The following NUP42 variants were observed in gnomAD, a reference collection of about 807,000 sequenced individuals.
NUP42 encodes the protein nucleoporin NUP42.
Under a neutral mutation model 35.9 loss-of-function variants are expected in NUP42, and 47 were observed. That is an observed-to-expected ratio of 1.31 (90% CI 1.04 to 1.67). NUP42 has a LOEUF of 1.67. Among genes scored for constraint, NUP42 ranks in the 40% most tolerant of loss-of-function variants. NUP42 has a pLI of 0.00. For synonymous variants in NUP42, 173 were observed against 173.3 expected, an observed-to-expected ratio of 1.00 and a Z score of 0.01; for missense variants, 514 against 492.2, an observed-to-expected ratio of 1.04 and a Z score of -0.42.
chr7:23,187,397 C>T (rs977127507), intron 3 of NUP42: 5 of 281,092 alleles, frequency 1.8e-5, no homozygotes, highest in Non-Finnish European at 3.3e-5. Flanking sequence ...ACTCTACGTT[C>T]TTGATTCCCT....
chr7:23,189,790 G>A (rs569428196), intron 3 of NUP42, among the ~76,000 whole-genome samples: 17 of 151,656 alleles, frequency 1.1e-4, no homozygotes, highest in Middle Eastern at 3.4e-3. Context: ...GTATGCGCCC[G>A]TAGTCCTAGC....
rs188731393 is a variant in NUP42, at chr7:23,186,593, G to A, written c.351-459G>A. Among the ~76,000 whole-genome samples, 217 of 152,258 alleles carry A rather than the reference G, an allele frequency of 1.4e-3. 1 individual carries two copies. The highest frequency in any genetic ancestry group is 5.0e-3 in the African/African-American group (209 of 41,566). ...TTAAAATATTATGATTCTGTATCAC[G>A]TAAGTGGTACTTTGTTCTTCCCAGT... On this transcript the variant is annotated intron_variant, in intron 2 of 6. Transcript: ENST00000258742.
At chr7:23,196,296 C>CA (rs1156271093) in intron 4 of NUP42, 8 of 200,732 alleles carry the variant, frequency 4.0e-5, no homozygotes, top group South Asian at 1.2e-4. Flanking sequence ...TATCAAATAT[C>CA]AAAAAAAATT....
intron 3 of NUP42, among the ~76,000 whole-genome samples, chr7:23,191,443 G>T (rs569936285): frequency 6.6e-5 from 10 of 152,162 alleles, no homozygotes; most frequent in Non-Finnish European, 1.3e-4. Context: ...GCTTGAACTG[G>T]CAGGATGCTG....
intron 3 of NUP42, among the ~76,000 whole-genome samples, chr7:23,193,052 G>A (rs1174765062): frequency 2.0e-5 from 3 of 152,070 alleles, no homozygotes; most frequent in Non-Finnish European, 4.4e-5. Flanking sequence ...GACCTTCGCG[G>A]TGAGTGTTAC....
At chr7:23,185,972 TCAA>T (rs746368578) in intron 2 of NUP42, among the ~76,000 whole-genome samples, 7,015 of 152,270 alleles carry the variant, frequency 0.046, 234 homozygotes, top group Non-Finnish European at 0.07. Context: ...ACTCTTGACC[TCAA>T]GTGATCTGCC....
In NUP42 at chr7:23,200,813, A is replaced by G; in HGVS notation, c.*68A>G. 4 of 911,830 alleles carry G rather than the reference A, an allele frequency of 4.4e-6. No homozygotes were observed. The highest frequency in any genetic ancestry group is 6.5e-6 in the Non-Finnish European group (4 of 612,102). 56.5% of individuals were successfully genotyped at this position (911,830 alleles called of 1,614,324 possible). A position where few individuals can be genotyped will look rare whatever the true frequency, so the allele number is the denominator to read the frequency against. ...CTTTGAGTGATTCATACAGAGATGT[A>G]TATATGCATACATGTATATATTCAT... is the stretch of plus-strand genomic sequence containing the variant. On this transcript the variant is annotated 3_prime_UTR_variant, in exon 7 of 7. Transcript: ENST00000258742.
chr7:23,185,553 A>G (rs1785562553), intron 2 of NUP42, among the ~76,000 whole-genome samples: 1 of 152,170 alleles, frequency 6.6e-6, no homozygotes, highest in African/African-American at 2.4e-5. Flanking sequence ...TCATCTTTCT[A>G]TAATAGTAGA....
chr7:23,193,996 G>T (rs1018654538), intron 3 of NUP42, among the ~76,000 whole-genome samples: 5 of 152,234 alleles, frequency 3.3e-5, no homozygotes. Flanking sequence ...CTCATTGCCC[G>T]GCAGGGCCAG....
intron 5 of NUP42, chr7:23,197,198 A>G: frequency 7.7e-7 from 1 of 1,301,448 alleles, no homozygotes; most frequent in Non-Finnish European, 1.0e-6. Flanking sequence ...ATATATACCC[A>G]CCTGTCTCCA....
chr7:23,187,945 T>TGGGG, intron 3 of NUP42: 3 of 489,780 alleles, frequency 6.1e-6, no homozygotes, highest in Non-Finnish European at 7.1e-6. Flanking sequence ...TGTCTCTCTC[T>TGGGG]CTCTCTCTGG....
Position 23,183,949 on chromosome 7 carries a change from G to A in NUP42, c.122-1121G>A, listed in dbSNP as rs143466884. Among the ~76,000 whole-genome samples, 9 of 147,416 alleles carry A rather than the reference G, an allele frequency of 6.1e-5. No individual in the cohort carries two copies. The East Asian group carries it at 1.6e-3, about 26-fold the overall frequency. On this transcript the variant is annotated intron_variant, in intron 1 of 6. Transcript: ENST00000258742. ...AGGATGAACTTTCACAACTGGGCAT[G>A]TGTGTCATTCTAACTTTTAATATAA...
At chr7:23,194,636 C>A in intron 3 of NUP42, 1 of 162,886 alleles carries the variant, frequency 6.1e-6, no homozygotes, top group Non-Finnish European at 1.4e-5. Flanking sequence ...GCTGGGACTA[C>A]AGGCGTGAGC....
intron 1 of NUP42, chr7:23,182,486 G>C: frequency 8.3e-7 from 1 of 1,211,376 alleles, no homozygotes; most frequent in Non-Finnish European, 1.0e-6. Flanking sequence ...AAACTACCTT[G>C]TAGGTAAATG....
At chr7:23,193,885 G>A (rs920044798) in intron 3 of NUP42, among the ~76,000 whole-genome samples, 10 of 152,260 alleles carry the variant, frequency 6.6e-5, no homozygotes, top group Non-Finnish European at 1.2e-4. Context: ...CCCGCAGGGA[G>A]GCAGCTAAGA....
chr7:23,199,288 G>A, intron 5 of NUP42, 170 bp from the exon 6 acceptor site: 3 of 567,138 alleles, frequency 5.3e-6, no homozygotes, highest in Non-Finnish European at 6.3e-6. Context: ...ATAGGCTCAA[G>A]CCCTTCACCC....
intron 5 of NUP42, among the ~76,000 whole-genome samples, chr7:23,197,640 C>G (rs1786058153): frequency 6.6e-6 from 1 of 152,110 alleles, no homozygotes; most frequent in African/African-American, 2.4e-5. Context: ...TCCCTCAGGG[C>G]TGGAAGGTCC....
At chr7:23,188,058 C>G (rs1357738924) in intron 3 of NUP42, 1 of 1,440,498 alleles carries the variant, frequency 6.9e-7, no homozygotes, top group Non-Finnish European at 9.1e-7. Context: ...TGGGCTGAAA[C>G]CTAGACCACC....
chr7:23,192,742 G>C (rs1785845061), intron 3 of NUP42, among the ~76,000 whole-genome samples: 1 of 151,394 alleles, frequency 6.6e-6, no homozygotes, highest in African/African-American at 2.4e-5. Context: ...AGTGGCCCCT[G>C]TACAAGTGGA....
Sources: allele counts gnomAD v4.1 joint callset (sites outside exome capture counted in the v4.1 genomes callset), GRCh38; gene constraint gnomAD v4.1.1; transcripts MANE v1.5; gene names NCBI Gene and HGNC (gene_info 2026-07-23, HGNC 2026-07-21).